ENTREP2: variants seen among roughly 807,000 people sequenced by gnomAD.
ENTREP2 encodes the protein protein ENTREP2.
the ENTREP2 span, among the ~76,000 whole-genome samples, chr15:29,354,608 T>C: frequency 6.6e-6 from 1 of 151,962 alleles, no homozygotes; most frequent in Non-Finnish European, 1.5e-5. Context: ...CCAGAGTAAA[T>C]TCTTAGAAAT....
the ENTREP2 span, chr15:29,267,838 C>G: frequency 6.6e-6 from 1 of 152,144 alleles, no homozygotes; most frequent in African/African-American, 2.4e-5. Context: ...TTTTACAGGT[C>G]AAGAAACATC....
the ENTREP2 span, among the ~76,000 whole-genome samples, chr15:29,311,181 C>CAAACA: frequency 2.4e-4 from 37 of 152,126 alleles, no homozygotes; most frequent in Non-Finnish European, 4.4e-4. Context: ...CTGTTAATTT[C>CAAACA]AAACAAAGAC....
chr15:29,378,578 A>G, the ENTREP2 span, among the ~76,000 whole-genome samples: 2 of 152,220 alleles, frequency 1.3e-5, no homozygotes, highest in East Asian at 1.9e-4. Flanking sequence ...CGGACCTGCT[A>G]CAGGGAGGAG....
chr15:29,123,563 G>C, the ENTREP2 span: 1 of 1,551,768 alleles, frequency 6.4e-7, no homozygotes, highest in South Asian at 1.2e-5. Flanking sequence ...AAGGGCTCTG[G>C]TGTTGGCCGT....
At chr15:29,553,979 A>T in the ENTREP2 span, among the ~76,000 whole-genome samples, 1 of 152,222 alleles carries the variant, frequency 6.6e-6, no homozygotes, top group Non-Finnish European at 1.5e-5. Flanking sequence ...AAGTTTGAGG[A>T]TAACTTGTGA....
the ENTREP2 span, among the ~76,000 whole-genome samples, chr15:29,506,321 T>C: frequency 6.6e-6 from 1 of 152,170 alleles, no homozygotes; most frequent in Non-Finnish European, 1.5e-5. Flanking sequence ...GGAACCAAGT[T>C]GGAAAACACA....
chr15:29,328,675 T>G, the ENTREP2 span, among the ~76,000 whole-genome samples: 1 of 152,210 alleles, frequency 6.6e-6, no homozygotes, highest in South Asian at 2.1e-4. Flanking sequence ...TCACGTATTT[T>G]GAAACTGACC....
chr15:29,521,468 CTG>C, the ENTREP2 span, among the ~76,000 whole-genome samples: 2 of 152,186 alleles, frequency 1.3e-5, no homozygotes, highest in Non-Finnish European at 2.9e-5. Context: ...ACAAGCAGCA[CTG>C]TAAAAATAAG....
At chr15:29,391,435 C>A in the ENTREP2 span, among the ~76,000 whole-genome samples, 1 of 151,918 alleles carries the variant, frequency 6.6e-6, no homozygotes, top group African/African-American at 2.4e-5. Context: ...CAAGCAGAAG[C>A]AAAACTATAA....
At chr15:29,465,919 G>GT in the ENTREP2 span, among the ~76,000 whole-genome samples, 2 of 152,204 alleles carry the variant, frequency 1.3e-5, no homozygotes, top group Non-Finnish European at 2.9e-5. Flanking sequence ...TCCTTTGTTT[G>GT]TGGCCTGAGA....
At chr15:29,656,487 AAAGTGCTAC>A in the ENTREP2 span, among the ~76,000 whole-genome samples, 1 of 152,216 alleles carries the variant, frequency 6.6e-6, no homozygotes, top group African/African-American at 2.4e-5. Context: ...TCAGCCTCCC[AAAGTGCTAC>A]AATTACAGGC....
chr15:29,609,591 C>T, the ENTREP2 span: 2 of 149,836 alleles, frequency 1.3e-5, 1 homozygote, highest in South Asian at 4.3e-4. Context: ...GAACTGTGCA[C>T]CAGTCATCTG....
the ENTREP2 span, among the ~76,000 whole-genome samples, chr15:29,304,043 G>A: frequency 6.6e-6 from 1 of 151,998 alleles, no homozygotes; most frequent in Non-Finnish European, 1.5e-5. Context: ...ACCATGCCCT[G>A]CTAATTTTTG....
the ENTREP2 span, among the ~76,000 whole-genome samples, chr15:29,567,384 C>T: frequency 6.6e-6 from 1 of 152,200 alleles, no homozygotes; most frequent in Non-Finnish European, 1.5e-5. Flanking sequence ...GAGAGAGCCT[C>T]CTTGCTAAAG....
chr15:29,577,969 C>A, the ENTREP2 span, among the ~76,000 whole-genome samples: 1 of 152,102 alleles, frequency 6.6e-6, no homozygotes, highest in Non-Finnish European at 1.5e-5. Context: ...GGTACAGTTT[C>A]AATTGCAGAA....
At chr15:29,207,455 C>CGGTGGGGGGG in the ENTREP2 span, among the ~76,000 whole-genome samples, 3 of 123,000 alleles carry the variant, frequency 2.4e-5, no homozygotes, top group South Asian at 2.7e-4. Context: ...GGTTGGGGGG[C>CGGTGGGGGGG]GGGGGGGGTG....
At chr15:29,244,559 G>A in the ENTREP2 span, among the ~76,000 whole-genome samples, 100 of 152,344 alleles carry the variant, frequency 6.6e-4, no homozygotes, top group African/African-American at 2.4e-3. Flanking sequence ...AGATGGATAT[G>A]GAAGGCTGTG....
At chr15:29,146,274 G>A in the ENTREP2 span, among the ~76,000 whole-genome samples, 98,530 of 152,058 alleles carry the variant, frequency 0.65, 32,291 homozygotes, top group African/African-American at 0.72. Context: ...TCAAAATCCC[G>A]GGTGGATTGT....
chr15:29,505,875 T>G, the ENTREP2 span, among the ~76,000 whole-genome samples: 5 of 152,120 alleles, frequency 3.3e-5, no homozygotes, highest in African/African-American at 1.2e-4. The surrounding 1 kb of genome is among the most constrained non-coding windows in gnomAD (Gnocchi z 4.3). Context: ...TCACAACTCC[T>G]TGCCAACAAG....
Sources: gnomAD v4.1 joint callset for allele counts (sites outside exome capture counted in the v4.1 genomes callset) on GRCh38, gnomAD v4.1.1 for gene constraint, Gnocchi (gnomAD v3.1) non-coding constraint, MANE v1.5 for transcripts, NCBI Gene and HGNC (gene_info 2026-07-23, HGNC 2026-07-21) for gene names.